The following URB1 variants were observed in gnomAD, a reference collection of about 807,000 sequenced individuals.
The protein encoded by URB1 is nucleolar pre-ribosomal-associated protein 1.
A neutral mutation model predicts 242.3 loss-of-function variants in URB1; 197 were observed. The observed-to-expected ratio is 0.81, with a 90% CI of 0.72 to 0.91. The LOEUF is 0.91. URB1 is among the 40% of genes least tolerant of loss of function. The pLI, the probability that URB1 is intolerant of heterozygous loss-of-function variation, is 0.00. For missense variants in URB1, 2,721 were observed against 2,860.5 expected (o/e 0.95, Z 1.11); for synonymous variants, 1,153 against 1,201.8 (o/e 0.96, Z 0.84).
In URB1 at chr21:32,392,717, G is replaced by C. The variant is rs1029957565; in HGVS notation, c.142+52C>G. ...GAGAGGCTGTGCCCGGCACACGGAG[G>C]CCGCCTCGCCAGCCTGTGCTCCCGA... On this transcript the variant is annotated intron_variant, in intron 1 of 38. Transcript: ENST00000382751. 8.0e-6 allele frequency: 11 copies of C among 1,366,702 alleles called. 1 individual carries two copies. The South Asian group carries it at 1.9e-4, about 23-fold the overall frequency. The allele number at this position is 1,366,702 out of a possible 1,614,324, so 84.7% of individuals were successfully genotyped here. A position where few individuals can be genotyped will look rare whatever the true frequency, so the allele number is the denominator to read the frequency against.
chr21:32,351,518 C>T lies in URB1; in HGVS notation c.2614-596G>A, dbSNP rs78228476. On this transcript the variant is annotated intron_variant, in intron 19 of 38. Coordinates refer to ENST00000382751, the MANE Select transcript of URB1 (RefSeq NM_014825.3). ...TTCCTTAGGCTAATAAAACCCAAGGCTGTAACATGCCCTGAAACTTGGTGG... is the reference window on the plus strand; with the variant it reads ...TTCCTTAGGCTAATAAAACCCAAGGTTGTAACATGCCCTGAAACTTGGTGG... Among the ~76,000 whole-genome samples the T allele has an allele frequency of 1.8e-3, 275 of 152,322 alleles. 1 individual carries two copies. The highest frequency in any genetic ancestry group is 6.3e-3 in the African/African-American group (262 of 41,558).
At position 32,311,696 on chromosome 21, in the gene URB1, G is replaced by A. The variant is rs201238667; in HGVS notation, c.*3222C>T. ...GCTCTGTTCACAGGAACAGCCCCAA[G>A]CACCACCAAACATGCCCCTGGAGTC... is the stretch of plus-strand genomic sequence containing the variant. On this transcript the variant is annotated 3_prime_UTR_variant, in exon 39 of 39. Transcript: ENST00000382751. 411 of 1,613,918 alleles carry A rather than the reference G, an allele frequency of 2.5e-4. 1 individual carries two copies. Among genetic ancestry groups the A allele is most frequent in the Middle Eastern group, 1.2e-3 (7 of 6,058 alleles).
intron 1 of URB1, among the ~76,000 whole-genome samples, chr21:32,389,926 C>T (rs145062340): frequency 3.4e-4 from 52 of 152,318 alleles, no homozygotes; most frequent in African/African-American, 1.2e-3. Context: ...ACGAAGGGAG[C>T]ATCATCAGAA....
intron 26 of URB1, among the ~76,000 whole-genome samples, chr21:32,338,388 C>T (rs2032987220): frequency 6.6e-6 from 1 of 152,154 alleles, no homozygotes; most frequent in African/African-American, 2.4e-5. Flanking sequence ...GTTAGACACC[C>T]ACACTTTTTT....
chr21:32,321,492 GT>G (rs2032765209), intron 34 of URB1, among the ~76,000 whole-genome samples: 1 of 152,198 alleles, frequency 6.6e-6, no homozygotes, highest in African/African-American at 2.4e-5. Context: ...TTACTGATCA[GT>G]ACCCCCCACT....
At chr21:32,342,060 AATTGT>A (rs2033036688) in intron 24 of URB1, among the ~76,000 whole-genome samples, 9 of 151,796 alleles carry the variant, frequency 5.9e-5, no homozygotes, top group South Asian at 2.1e-4. Context: ...ACTTAAAAAA[AATTGT>A]TTGGTTATTT....
intron 1 of URB1, 75 bp from the exon 2 acceptor site, chr21:32,385,759 G>T: frequency 6.6e-7 from 1 of 1,520,612 alleles, no homozygotes; most frequent in Non-Finnish European, 8.8e-7. Context: ...ACTGCAACCT[G>T]CTTTCCCTAT....
At position 32,359,805 on chromosome 21, in the gene URB1, T is replaced by C. The variant is rs920383809; in HGVS notation, c.1860A>G (p.Leu620=). Residue 620 remains leucine (L), a synonymous_variant, in exon 14 of 39, where the codon TTA becomes TTG. Coordinates refer to ENST00000382751, the MANE Select transcript of URB1 (RefSeq NM_014825.3). Reference sequence around the variant, plus strand: ...GAGTTCTGCTTCCTACCTGTGCCTTTAACCACAGAAACTTGCTGGCCGGCA... The same window carrying C: ...GAGTTCTGCTTCCTACCTGTGCCTTCAACCACAGAAACTTGCTGGCCGGCA... The part of the protein sequence containing the change: ...LELPASKFLW[L]KAQEGPDAEI... 3 of 1,545,950 alleles carry C rather than the reference T, an allele frequency of 1.9e-6. No individual in the cohort carries two copies. The highest frequency in any genetic ancestry group is 2.8e-5 in the African/African-American group (2 of 72,686).
Position 32,314,962 on chromosome 21 carries a change from C to A in URB1, c.6772G>T (p.Val2258Leu). 1 of 1,551,618 alleles carries A rather than the reference C, an allele frequency of 6.4e-7. No individual in the cohort carries two copies. The highest frequency in any genetic ancestry group is 1.2e-5 in the South Asian group (1 of 84,060). The change falls in exon 39 of 39, where the codon GTG becomes TTG. Residue 2258 changes from valine to leucine, a missense_variant. Transcript: ENST00000382751. ...DAPSSEEEAI[V>L]VLCKDAASAA... is the part of the protein sequence containing the mutation. ...CTGGCGGCGTCCTTGCAGAGCACCA[C>A]GATGGCCTCCTCTTCACTGCTCGGG...
At chr21:32,351,083 G>C (rs958266461) in intron 19 of URB1, among the ~76,000 whole-genome samples, 161 bp from the exon 20 acceptor site, 3 of 152,238 alleles carry the variant, frequency 2.0e-5, no homozygotes, top group East Asian at 3.8e-4. Flanking sequence ...TACTTCAGTA[G>C]AGTAAGTTCT....
chr21:32,371,851 C>T (rs1172005526), intron 8 of URB1, among the ~76,000 whole-genome samples: 3 of 151,316 alleles, frequency 2.0e-5, no homozygotes, highest in Admixed American at 6.6e-5. Flanking sequence ...CTGTATTATA[C>T]GATTACAAAA....
At chr21:32,356,739 G>A (rs2033225372) in intron 15 of URB1, among the ~76,000 whole-genome samples, 1 of 152,240 alleles carries the variant, frequency 6.6e-6, no homozygotes, top group Admixed American at 6.5e-5. Context: ...GAAACTCAGA[G>A]TCTAAGAGGC....
chr21:32,349,120 G>A (rs1293368626), intron 21 of URB1, among the ~76,000 whole-genome samples, 184 bp downstream of exon 21: 3 of 152,268 alleles, frequency 2.0e-5, no homozygotes, highest in African/African-American at 4.8e-5. Context: ...AAAGCAACAG[G>A]AAAGAGAAGC....
intron 32 of URB1, among the ~76,000 whole-genome samples, chr21:32,323,436 A>C (rs745926282): frequency 1.3e-5 from 2 of 152,192 alleles, no homozygotes; most frequent in African/African-American, 2.4e-5. Flanking sequence ...TAACCAAAAA[A>C]AGTCTTAGAA....
chr21:32,332,040 C>G (rs2282104), intron 30 of URB1, among the ~76,000 whole-genome samples: 4 of 152,078 alleles, frequency 2.6e-5, no homozygotes, highest in African/African-American at 9.7e-5. Context: ...GCTGGGACCC[C>G]CATCTCAACC....
intron 2 of URB1, 129 bp downstream of exon 2, chr21:32,385,416 G>A: frequency 7.4e-7 from 1 of 1,348,442 alleles, no homozygotes; most frequent in East Asian, 2.5e-5. Context: ...CATTCCTACA[G>A]CACAGGGACA....
At chr21:32,327,208 G>A (rs1314918174) in intron 30 of URB1, among the ~76,000 whole-genome samples, 1 of 152,002 alleles carries the variant, frequency 6.6e-6, no homozygotes, top group African/African-American at 2.4e-5. Flanking sequence ...CAAATTGTTT[G>A]ACACCAGTGA....
intron 1 of URB1, among the ~76,000 whole-genome samples, chr21:32,390,960 A>C (rs1311306200): frequency 6.6e-6 from 1 of 152,214 alleles, no homozygotes; most frequent in Non-Finnish European, 1.5e-5. Context: ...AAGACTTGGA[A>C]CCAACCCAAA....
chr21:32,316,888 G>A lies in URB1; in HGVS notation c.6212C>T (p.Pro2071Leu), dbSNP rs762225. Residue 2071 changes from proline (P) to leucine (L), a missense_variant, in exon 38 of 39, where the codon CCT (proline) becomes CTT (leucine). Physicochemically the swap from Pro to Leu is moderately conservative, Grantham distance 98. Coordinates refer to ENST00000382751, the MANE Select transcript of URB1 (RefSeq NM_014825.3). ...AGGCTCCTGAGTGGGGTCAGGACCA[G>A]GGATCACTGGTCTCCAGTAAGTCAA... ...SILTYWRPVI[P>L]GPDPTQEPVD... 9.7e-6 allele frequency: 15 copies of A among 1,551,674 alleles called. No homozygotes were observed. Among genetic ancestry groups the A allele is most frequent in the Non-Finnish European group, 1.3e-5 (15 of 1,146,970 alleles).
Sources: allele counts gnomAD v4.1 joint callset (sites outside exome capture counted in the v4.1 genomes callset), GRCh38; gene constraint gnomAD v4.1.1; transcripts MANE v1.5; gene names NCBI Gene and HGNC (gene_info 2026-07-23, HGNC 2026-07-21).